CACNA2D3: variants seen among roughly 807,000 people sequenced by gnomAD.
The protein encoded by CACNA2D3 is voltage-dependent calcium channel subunit alpha-2/delta-3.
A neutral mutation model predicts 160.6 loss-of-function variants in CACNA2D3; 60 were observed. The ratio of observed to expected loss-of-function variants is 0.37; its 90% CI spans 0.30 to 0.46. The LOEUF is 0.46. Among genes scored for constraint, CACNA2D3 ranks in the 20% least tolerant of loss-of-function variants. The pLI, the probability that CACNA2D3 is intolerant of heterozygous loss-of-function variation, is 1.00. For missense variants in CACNA2D3, 1,205 were observed against 1,365.0 expected (o/e 0.88, Z 1.85); for synonymous variants, 558 against 492.9 (o/e 1.13, Z -1.75).
At chr3:54,329,501 T>C (rs927578367) in intron 3 of CACNA2D3, among the ~76,000 whole-genome samples, 1 of 152,240 alleles carries the variant, frequency 6.6e-6, no homozygotes, top group African/African-American at 2.4e-5. Flanking sequence ...AATCCTCCAC[T>C]GTCGGCTCCA....
chr3:54,492,750 C>T (rs1255084269), intron 4 of CACNA2D3, among the ~76,000 whole-genome samples: 1 of 152,162 alleles, frequency 6.6e-6, no homozygotes, highest in Non-Finnish European at 1.5e-5. Flanking sequence ...TTTGCCTTTC[C>T]TTAAACTCAG....
At chr3:54,773,678 GATT>G (rs1161907386) in intron 13 of CACNA2D3, among the ~76,000 whole-genome samples, 2 of 152,092 alleles carry the variant, frequency 1.3e-5, no homozygotes, top group African/African-American at 4.8e-5. Flanking sequence ...TTACTGTTAT[GATT>G]ATTTTTTTCC....
At chr3:54,808,829 A>T (rs1282423572) in intron 13 of CACNA2D3, among the ~76,000 whole-genome samples, 1 of 152,124 alleles carries the variant, frequency 6.6e-6, no homozygotes, top group African/African-American at 2.4e-5. Flanking sequence ...AGGGGTTCTG[A>T]TACCAGGTCT....
intron 2 of CACNA2D3, among the ~76,000 whole-genome samples, chr3:54,283,870 C>G (rs1702943413): frequency 6.6e-6 from 1 of 152,078 alleles, no homozygotes; most frequent in Admixed American, 6.5e-5. Context: ...CGAGACCATC[C>G]TGGTCAACAT....
intron 11 of CACNA2D3, among the ~76,000 whole-genome samples, chr3:54,685,773 C>T (rs1700438774): frequency 6.6e-6 from 1 of 152,190 alleles, no homozygotes; most frequent in African/African-American, 2.4e-5. Context: ...CACCCCTGGT[C>T]ATTTTGTGTT....
At chr3:54,696,281 C>T (rs550493804) in intron 11 of CACNA2D3, among the ~76,000 whole-genome samples, 5 of 152,276 alleles carry the variant, frequency 3.3e-5, no homozygotes, top group South Asian at 2.1e-4. Context: ...CATCTCAAGA[C>T]GGTGGGCTGG....
At chr3:54,207,860 G>A (rs531494864) in intron 2 of CACNA2D3, among the ~76,000 whole-genome samples, 2 of 152,138 alleles carry the variant, frequency 1.3e-5, no homozygotes, top group Non-Finnish European at 2.9e-5. Context: ...TAGCTATCTC[G>A]GTGCATCTAT....
intron 21 of CACNA2D3, among the ~76,000 whole-genome samples, chr3:54,882,265 A>G (rs1358457862): frequency 1.3e-5 from 2 of 152,228 alleles, no homozygotes; most frequent in East Asian, 1.9e-4. Context: ...CGCTGAAGAA[A>G]CAACTCATGG....
intron 5 of CACNA2D3, among the ~76,000 whole-genome samples, chr3:54,532,559 T>C (rs1437156495): frequency 6.6e-6 from 1 of 152,210 alleles, no homozygotes; most frequent in African/African-American, 2.4e-5. Flanking sequence ...ACTATTTCAC[T>C]TTCTGTTTCT....
chr3:54,585,630 G>A (rs910975009), intron 9 of CACNA2D3, among the ~76,000 whole-genome samples: 12 of 152,170 alleles, frequency 7.9e-5, no homozygotes, highest in Non-Finnish European at 1.8e-4. Context: ...CAAGGAAAGA[G>A]CAAAGGCACA....
intron 4 of CACNA2D3, among the ~76,000 whole-genome samples, chr3:54,486,615 C>T (rs1446257407): frequency 6.6e-6 from 1 of 152,188 alleles, no homozygotes; most frequent in Non-Finnish European, 1.5e-5. Context: ...TTCTGTTAGG[C>T]TTTGTTCTCA....
At chr3:54,539,385 A>G (rs1248805742) in intron 5 of CACNA2D3, among the ~76,000 whole-genome samples, 1 of 152,160 alleles carries the variant, frequency 6.6e-6, no homozygotes, top group East Asian at 1.9e-4. Context: ...TTCTTATTCA[A>G]ATGCAGCCTA....
intron 4 of CACNA2D3, among the ~76,000 whole-genome samples, chr3:54,409,746 C>T (rs1012677335): frequency 1.3e-5 from 2 of 152,182 alleles, no homozygotes; most frequent in African/African-American, 4.8e-5. Context: ...CACAATACTT[C>T]CTTAAGCCAA....
At chr3:54,174,805 G>A (rs1293028313) in intron 2 of CACNA2D3, among the ~76,000 whole-genome samples, 1 of 152,214 alleles carries the variant, frequency 6.6e-6, no homozygotes, top group African/African-American at 2.4e-5. Flanking sequence ...GATTACAGGC[G>A]TGAGCCACTG....
At chr3:54,970,439 C>T (rs1702243644) in intron 29 of CACNA2D3, among the ~76,000 whole-genome samples, 4 of 97,576 alleles carry the variant, frequency 4.1e-5, no homozygotes, top group Admixed American at 1.0e-4. Flanking sequence ...CCTCTCCTCC[C>T]CTCCCCTCCC....
intron 2 of CACNA2D3, among the ~76,000 whole-genome samples, chr3:54,156,957 AATAG>A (rs1700255473): frequency 1.3e-5 from 2 of 152,238 alleles, no homozygotes; most frequent in Admixed American, 6.5e-5. Context: ...GCTATACAGT[AATAG>A]ATAGTACATT....
At position 54,524,178 on chromosome 3, in the gene CACNA2D3, C is replaced by T. The variant is rs1186110919; in HGVS notation, c.544+20524C>T. On this transcript the variant is annotated intron_variant, in intron 5 of 37. Transcript: ENST00000474759. Reference sequence around the variant, plus strand: ...TCTAAACACTGCTGTAACTGCACTACATAAGTTTTGGTCTCTTGTGTGTTT... The same window carrying T: ...TCTAAACACTGCTGTAACTGCACTATATAAGTTTTGGTCTCTTGTGTGTTT... Among the ~76,000 whole-genome samples, 3 of 152,100 alleles carry T rather than the reference C, an allele frequency of 2.0e-5. 1 individual carries two copies. The highest frequency in any genetic ancestry group is 2.0e-4 in the Admixed American group (3 of 15,274).
At chr3:54,240,139 T>C (rs1312551673) in intron 2 of CACNA2D3, among the ~76,000 whole-genome samples, 1 of 152,212 alleles carries the variant, frequency 6.6e-6, no homozygotes, top group African/African-American at 2.4e-5. Context: ...GCTCTCTACG[T>C]AAGAGGGAGT....
chr3:54,429,186 C>T (rs960459243), intron 4 of CACNA2D3, among the ~76,000 whole-genome samples: 2 of 152,066 alleles, frequency 1.3e-5, no homozygotes, highest in African/African-American at 4.8e-5. Context: ...ACATTTTTTT[C>T]CCCCAGAGCA....
Sources: allele counts gnomAD v4.1 joint callset (sites outside exome capture counted in the v4.1 genomes callset), GRCh38; gene constraint gnomAD v4.1.1; transcripts MANE v1.5; gene names NCBI Gene and HGNC (gene_info 2026-07-23, HGNC 2026-07-21).